GGTA1: variants seen among roughly 807,000 people sequenced by gnomAD.
The protein encoded by GGTA1 is inactive N-acetyllactosaminide alpha-1,3-galactosyltransferase.
Under a neutral mutation model 2.6 loss-of-function variants are expected in GGTA1, and 5 were observed. That is an observed-to-expected ratio of 1.92 (90% CI 1.00 to 4.04). The LOEUF (loss-of-function observed/expected upper bound fraction) is 4.04, where lower values mean the gene tolerates loss of function less well. Ranked by LOEUF, GGTA1 falls within the 30% of genes most tolerant of loss-of-function variation. The pLI is 0.00. For missense variants in GGTA1, 50 were observed against 16.7 expected (o/e 2.99, Z -3.47); for synonymous variants, 17 against 5.0 (o/e 3.38, Z -3.19).
At chr9:121,464,699 C>G (rs894819293) in intron 2 of GGTA1, among the ~76,000 whole-genome samples, 9 of 152,204 alleles carry the variant, frequency 5.9e-5, no homozygotes, top group African/African-American at 9.7e-5. Context: ...CCCTCAATAA[C>G]TTGTAGTTCC....
intron 1 of GGTA1, among the ~76,000 whole-genome samples, chr9:121,496,731 CAAAAAAAAAAAAA>C (rs772847384): frequency 6.4e-5 from 2 of 31,206 alleles, no homozygotes; most frequent in African/African-American, 2.4e-4. Context: ...GGCTCCATCT[CAAAAAAAAAAAAA>C]AAAAAAAAAA....
At chr9:121,451,619 C>T (rs998308187), downstream of GGTA1, among the ~76,000 whole-genome samples, 32 of 152,326 alleles carry the variant, frequency 2.1e-4, no homozygotes, top group African/African-American at 7.0e-4. Flanking sequence ...GGGCCAAATC[C>T]TCCATGAGAG....
At chr9:121,446,185 G>C (rs994473111) in exon 8 of GGTA1, 3 of 152,352 alleles carry the variant, frequency 2.0e-5, no homozygotes, top group African/African-American at 7.2e-5. Context: ...CCTCAGGGTG[G>C]CACTGCCCCA....
chr9:121,464,988 C>CAAAAAAAAAA lies in GGTA1; in HGVS notation c.81-1661_81-1660insTTTTTTTTTT, dbSNP rs1325681219. 2.5e-5 allele frequency among the ~76,000 whole-genome samples: 3 copies of CAAAAAAAAAA among 121,844 alleles called. 1 individual carries two copies. Among genetic ancestry groups the CAAAAAAAAAA allele is most frequent in the Non-Finnish European group, 1.8e-5 (1 of 56,288 alleles). The allele number at this position is 121,844 out of a possible 152,430, so 79.9% of individuals were successfully genotyped here. A position where few individuals can be genotyped will look rare whatever the true frequency, so the allele number is the denominator to read the frequency against. On this transcript the variant is annotated intron_variant, in intron 2 of 5. Transcript: ENST00000481799. ...ATCATGTGGCCAATTCGTAAAGTGG[C>CAAAAAAAAAA]AAAAAAACAAAACAAACAAAAAAAA...
intron 2 of GGTA1, 144 bp from the exon 3 acceptor site, chr9:121,463,472 T>G (rs1456809959): frequency 2.8e-6 from 1 of 361,532 alleles, no homozygotes; most frequent in East Asian, 7.8e-5. Context: ...CTTTGAGACA[T>G]AACCAATGAC....
intron 1 of GGTA1, among the ~76,000 whole-genome samples, chr9:121,477,724 C>T (rs143275387): frequency 0.024 from 3,636 of 151,940 alleles, 70 homozygotes; most frequent in Non-Finnish European, 0.039. Context: ...TACAGGCACC[C>T]GCCACCACGC....
At chr9:121,465,384 C>A (rs149546121) in intron 2 of GGTA1, among the ~76,000 whole-genome samples, 1 of 152,356 alleles carries the variant, frequency 6.6e-6, no homozygotes, top group East Asian at 1.9e-4. Context: ...TTCTATTTAC[C>A]AAAATCTTTC....
chr9:121,449,313 A>G (rs2064866849), intron 7 of GGTA1, among the ~76,000 whole-genome samples: 1 of 152,208 alleles, frequency 6.6e-6, no homozygotes, highest in South Asian at 2.1e-4. Flanking sequence ...GTGAATACCA[A>G]GGAGTACGAT....
intron 1 of GGTA1, among the ~76,000 whole-genome samples, chr9:121,492,277 C>T (rs17417575): frequency 0.016 from 2,454 of 151,988 alleles, 27 homozygotes; most frequent in Middle Eastern, 0.041. Flanking sequence ...TTTGTTTCAT[C>T]GCAGGCGTTG....
chr9:121,479,091 T>G (rs871670), intron 1 of GGTA1: 126,455 of 456,188 alleles, frequency 0.28, 19,075 homozygotes, highest in Non-Finnish European at 0.33. Context: ...CCGGCATCCT[T>G]CTTCCAGGTC....
At chr9:121,473,968 G>A (rs1247704948) in intron 1 of GGTA1, among the ~76,000 whole-genome samples, 1 of 144,336 alleles carries the variant, frequency 6.9e-6, no homozygotes, top group Non-Finnish European at 1.5e-5. Context: ...AGGGAGGGAG[G>A]GAGGGAGAGA....
At chr9:121,488,121 G>A (rs112451520) in intron 1 of GGTA1, among the ~76,000 whole-genome samples, 17 of 52,138 alleles carry the variant, frequency 3.3e-4, no homozygotes, top group African/African-American at 4.9e-4. Context: ...GCGTGTGTGC[G>A]TGCATGTGTG....
chr9:121,467,773 G>T (rs74840838), intron 2 of GGTA1, 70 bp downstream of exon 2: 204 of 411,716 alleles, frequency 5.0e-4, no homozygotes, highest in African/African-American at 3.9e-3. Context: ...CTGGCAACTT[G>T]GATGATACTA....
intron 1 of GGTA1, among the ~76,000 whole-genome samples, chr9:121,494,003 C>CT (rs1044300860): frequency 2.6e-5 from 4 of 152,058 alleles, no homozygotes; most frequent in Admixed American, 6.6e-5. Context: ...GTGATCTGCC[C>CT]GCCTTGGCCT....
chr9:121,491,535 G>A (rs940049210), intron 1 of GGTA1, among the ~76,000 whole-genome samples: 5 of 152,034 alleles, frequency 3.3e-5, no homozygotes, highest in African/African-American at 1.2e-4. Flanking sequence ...CCACCTCCCT[G>A]GCCAGGATCA....
At chr9:121,485,133 C>T (rs995891375) in intron 1 of GGTA1, among the ~76,000 whole-genome samples, 1 of 152,214 alleles carries the variant, frequency 6.6e-6, no homozygotes, top group African/African-American at 2.4e-5. Flanking sequence ...CATTTTCCCA[C>T]CCCAGATAAA....
intron 1 of GGTA1, among the ~76,000 whole-genome samples, chr9:121,492,295 A>G (rs1378444836): frequency 1.3e-5 from 2 of 151,946 alleles, no homozygotes; most frequent in Non-Finnish European, 2.9e-5. Context: ...TTGCTCAGAG[A>G]GAAGCTGGCT....
Position 121,492,446 on chromosome 9 carries a change from G to A in GGTA1, c.-10+7204C>T, listed in dbSNP as rs547554055. ...CAGTGCCTCACCCCTAAGGGGAGCCGAGTTCAGGTATTTTATTTTATTTTA... is the reference window on the plus strand; with the variant it reads ...CAGTGCCTCACCCCTAAGGGGAGCCAAGTTCAGGTATTTTATTTTATTTTA... On this transcript the variant is annotated intron_variant, in intron 1 of 5. Coordinates refer to ENST00000481799, the MANE Select transcript of GGTA1 (RefSeq NM_001382585.1). Among the ~76,000 whole-genome samples, 32 of 152,228 alleles carry A rather than the reference G, an allele frequency of 2.1e-4. No homozygotes were observed. The South Asian group carries it at 4.8e-3, about 23-fold the overall frequency.
intron 1 of GGTA1, among the ~76,000 whole-genome samples, chr9:121,495,816 C>A (rs531489293): frequency 6.6e-6 from 1 of 152,296 alleles, no homozygotes; most frequent in Non-Finnish European, 1.5e-5. Flanking sequence ...ATACAGTGAC[C>A]CGTGATGGAA....
Sources: gnomAD v4.1 joint callset for allele counts (sites outside exome capture counted in the v4.1 genomes callset) on GRCh38, gnomAD v4.1.1 for gene constraint, MANE v1.5 for transcripts, NCBI Gene and HGNC (gene_info 2026-07-23, HGNC 2026-07-21) for gene names.